ASB3: variants seen among roughly 807,000 people sequenced by gnomAD.
ASB3 encodes ankyrin repeat and SOCS box containing 3.
In ASB3, 41 loss-of-function variants were observed where a neutral mutation model predicts 54.5. The ratio of observed to expected loss-of-function variants is 0.75; its 90% CI spans 0.59 to 0.98. The LOEUF (loss-of-function observed/expected upper bound fraction) is 0.98, where lower values mean the gene tolerates loss of function less well. Among genes scored for constraint, ASB3 ranks in the 50% least tolerant of loss-of-function variants. The pLI is 0.00. For synonymous variants in ASB3, 266 were observed against 221.2 expected, an observed-to-expected ratio of 1.20 and a Z score of -1.80; for missense variants, 733 against 620.0, an observed-to-expected ratio of 1.18 and a Z score of -1.94.
intron 1 of ASB3, 32 bp from the exon 2 acceptor site, chr2:53,765,617 G>T: frequency 6.2e-7 from 1 of 1,612,708 alleles, no homozygotes; most frequent in South Asian, 1.1e-5. Context: ...TAATACTATA[G>T]TCAATAAAAC....
chr2:53,714,635 A>G (rs1156510326), intron 6 of ASB3, 54 bp from the exon 7 acceptor site: 1 of 1,565,912 alleles, frequency 6.4e-7, no homozygotes, highest in Non-Finnish European at 8.7e-7. Flanking sequence ...GCATAAATGT[A>G]GGCAACATTT....
At chr2:53,707,214 A>G (rs190475335) in intron 7 of ASB3, among the ~76,000 whole-genome samples, 1 of 152,338 alleles carries the variant, frequency 6.6e-6, no homozygotes, top group East Asian at 1.9e-4. Context: ...TTATAACGCT[A>G]CTTAATTTTC....
At chr2:53,705,505 G>T (rs550583081) in intron 7 of ASB3, among the ~76,000 whole-genome samples, 80 of 152,224 alleles carry the variant, frequency 5.3e-4, no homozygotes, top group Non-Finnish European at 8.4e-4. Context: ...GGAGAGACTA[G>T]GTCTCCCTTA....
intron 2 of ASB3, among the ~76,000 whole-genome samples, chr2:53,762,777 T>C (rs1466738243): frequency 6.6e-6 from 1 of 152,152 alleles, no homozygotes; most frequent in African/African-American, 2.4e-5. Context: ...TGTGCTAATA[T>C]GTTAAACAGA....
intron 3 of ASB3, among the ~76,000 whole-genome samples, chr2:53,748,129 C>T (rs2103994998): frequency 6.6e-6 from 1 of 152,284 alleles, no homozygotes; most frequent in East Asian, 1.9e-4. Context: ...CAATTATCTG[C>T]TTCATGTAAA....
At chr2:53,759,838 T>C (rs1673044126) in intron 2 of ASB3, among the ~76,000 whole-genome samples, 1 of 152,264 alleles carries the variant, frequency 6.6e-6, no homozygotes, top group African/African-American at 2.4e-5. Flanking sequence ...AACCAGATGA[T>C]ACAGCAGCAG....
intron 9 of ASB3, among the ~76,000 whole-genome samples, 174 bp from the exon 10 acceptor site, chr2:53,670,864 C>T (rs567913502): frequency 1.3e-5 from 2 of 152,158 alleles, no homozygotes; most frequent in African/African-American, 4.8e-5. Flanking sequence ...TTTTCTACAG[C>T]CTTCAACTGG....
At chr2:53,704,232 T>C (rs1455215612) in intron 7 of ASB3, among the ~76,000 whole-genome samples, 2 of 151,816 alleles carry the variant, frequency 1.3e-5, no homozygotes, top group Non-Finnish European at 2.9e-5. Context: ...TGGTGGCATA[T>C]GCCTGTAATC....
In ASB3 at chr2:53,670,005, A is replaced by G. The variant is rs1473835463; in HGVS notation, c.*498T>C. ...TAGGAAAACATGTTCTTTAATAAACATAAGAGATAGTCAAGTCTAAATAAA... is the reference window on the plus strand; with the variant it reads ...TAGGAAAACATGTTCTTTAATAAACGTAAGAGATAGTCAAGTCTAAATAAA... On this transcript the variant is annotated 3_prime_UTR_variant, in exon 10 of 10. Transcript: ENST00000263634. The G allele has an allele frequency of 1.3e-5, 2 of 151,552 alleles. No individual in the cohort carries two copies. The highest frequency in any genetic ancestry group is 4.8e-5 in the African/African-American group (2 of 41,306). The allele number at this position is 151,552 out of a possible 1,614,324, so 9.4% of individuals were successfully genotyped here. A position where few individuals can be genotyped will look rare whatever the true frequency, so the allele number is the denominator to read the frequency against.
intron 8 of ASB3, among the ~76,000 whole-genome samples, chr2:53,695,930 T>C (rs1342262693): frequency 6.6e-6 from 1 of 152,186 alleles, no homozygotes; most frequent in Non-Finnish European, 1.5e-5. Context: ...TGACAAAGAT[T>C]AAGCAACAGA....
chr2:53,749,245 A>G (rs1432653337), intron 3 of ASB3, among the ~76,000 whole-genome samples: 2 of 152,110 alleles, frequency 1.3e-5, no homozygotes, highest in South Asian at 4.1e-4. Context: ...TAAAAACCAC[A>G]GTGAGATACT....
At chr2:53,767,757 C>T (rs1673574780) in intron 1 of ASB3, 1 of 1,108,006 alleles carries the variant, frequency 9.0e-7, no homozygotes, top group Non-Finnish European at 1.3e-6. Context: ...TCCCAGTGCG[C>T]TTTGCGCCCC....
At chr2:53,721,398 C>CAAAAAAAAAAAAAA (rs1195017138) in intron 5 of ASB3, among the ~76,000 whole-genome samples, 1 of 87,386 alleles carries the variant, frequency 1.1e-5, no homozygotes, top group Non-Finnish European at 2.3e-5. Context: ...TACTAAACTA[C>CAAAAAAAAAAAAAA]AAAAAAAAAA....
intron 5 of ASB3, among the ~76,000 whole-genome samples, chr2:53,721,986 C>G (rs2103872413): frequency 6.6e-6 from 1 of 152,116 alleles, no homozygotes; most frequent in East Asian, 1.9e-4. Context: ...TAAGCACAAT[C>G]TGAAACAACA....
At chr2:53,719,973 A>G (rs763243459) in intron 5 of ASB3, among the ~76,000 whole-genome samples, 11 of 152,128 alleles carry the variant, frequency 7.2e-5, no homozygotes, top group Non-Finnish European at 1.6e-4. Flanking sequence ...CTCCTATTCT[A>G]TTCCTAAAAA....
chr2:53,717,815 G>A (rs1330314812), intron 5 of ASB3, among the ~76,000 whole-genome samples: 1 of 152,018 alleles, frequency 6.6e-6, no homozygotes, highest in East Asian at 1.9e-4. Context: ...AGGAAATGAA[G>A]GCATCTTAAG....
chr2:53,679,671 C>T (rs1227495300), intron 9 of ASB3, among the ~76,000 whole-genome samples: 1 of 152,216 alleles, frequency 6.6e-6, no homozygotes, highest in South Asian at 2.1e-4. Context: ...TCTGCCACAA[C>T]CCTGAATCCT....
At chr2:53,713,129 C>T (rs1050237975) in intron 7 of ASB3, among the ~76,000 whole-genome samples, 1 of 152,162 alleles carries the variant, frequency 6.6e-6, no homozygotes, top group African/African-American at 2.4e-5. Flanking sequence ...CACTTGAGGC[C>T]AGGAGTTCGA....
intron 1 of ASB3, among the ~76,000 whole-genome samples, chr2:53,783,735 T>C (rs1674781180): frequency 6.6e-6 from 1 of 152,252 alleles, no homozygotes; most frequent in African/African-American, 2.4e-5. Context: ...GGACTAAGTC[T>C]ATTCCCAAGC....
Sources: allele counts gnomAD v4.1 joint callset (sites outside exome capture counted in the v4.1 genomes callset), GRCh38; gene constraint gnomAD v4.1.1; transcripts MANE v1.5; gene names NCBI Gene and HGNC (gene_info 2026-07-23, HGNC 2026-07-21).